Variants in CHN2 observed in about 807,000 individuals in gnomAD.
CHN2 encodes the protein chimerin 2, also known as beta-chimaerin.
Under a neutral mutation model 56.3 loss-of-function variants are expected in CHN2, and 35 were observed. That is an observed-to-expected ratio of 0.62 (90% CI 0.47 to 0.82). The LOEUF is 0.82. Ranked by LOEUF, CHN2 falls within the 40% of genes least tolerant of loss-of-function variation. The pLI is 0.00. For missense variants in CHN2, 491 were observed against 580.5 expected (o/e 0.85, Z 1.58); for synonymous variants, 210 against 212.8 (o/e 0.99, Z 0.12).
chr7:29,330,391 T>C (rs931556702), intron 1 of CHN2, among the ~76,000 whole-genome samples: 5 of 152,224 alleles, frequency 3.3e-5, no homozygotes, highest in Admixed American at 1.3e-4. Flanking sequence ...TTGGGAATTG[T>C]TACCACTCTG....
chr7:29,266,779 C>A (rs1790180679), intron 1 of CHN2, among the ~76,000 whole-genome samples: 1 of 152,180 alleles, frequency 6.6e-6, no homozygotes, highest in South Asian at 2.1e-4. Flanking sequence ...AGGTTCTGAG[C>A]ACTGCCTGCC....
intron 2 of CHN2, among the ~76,000 whole-genome samples, chr7:29,354,894 G>T (rs1167259734): frequency 6.6e-6 from 1 of 151,942 alleles, no homozygotes; most frequent in East Asian, 1.9e-4. Flanking sequence ...GCTTAGAAAA[G>T]AGGGGTGGAC....
chr7:29,512,576 T>A lies in CHN2; in HGVS notation c.1248T>A (p.Asn416Lys), dbSNP rs1791616172. Residue 416 changes from asparagine to lysine, a missense_variant, in exon 13 of 13, where the codon AAT (asparagine) becomes AAA (lysine). By Grantham distance (94) the Asn-to-Lys change is moderately conservative. Transcript: ENST00000222792. ...LMIHLKKVTM[N>K]EKDNFMNAEN... is the part of the protein sequence containing the mutation. ...GTTTGTTTTGCAGGGTTACTATGAA[T>A]GAAAAAGACAATTTCATGAATGCAG... 1 of 1,612,382 alleles carries A rather than the reference T, an allele frequency of 6.2e-7. No homozygotes were observed.
intron 4 of CHN2, among the ~76,000 whole-genome samples, chr7:29,393,995 A>T (rs1801548339): frequency 6.6e-6 from 1 of 152,194 alleles, no homozygotes; most frequent in Non-Finnish European, 1.5e-5. Flanking sequence ...AGCATTTTTC[A>T]TAATGGAGGC....
chr7:29,470,199 C>G (rs1263047732), intron 6 of CHN2, among the ~76,000 whole-genome samples: 1 of 152,174 alleles, frequency 6.6e-6, no homozygotes, highest in Non-Finnish European at 1.5e-5. Context: ...CAGTCCTACG[C>G]TTGGTAGAGC....
At chr7:29,157,604 A>G (rs781157521) in intron 2 of CHN2, among the ~76,000 whole-genome samples, 1 of 152,302 alleles carries the variant, frequency 6.6e-6, no homozygotes, top group Non-Finnish European at 1.5e-5. Context: ...TATGATTTGC[A>G]TTTTGCTAAT....
At chr7:29,171,176 T>C (rs534512864) in intron 2 of CHN2, among the ~76,000 whole-genome samples, 18 of 152,312 alleles carry the variant, frequency 1.2e-4, no homozygotes, top group African/African-American at 4.1e-4. Context: ...AGCCCTAACA[T>C]TGCTTACATA....
At chr7:29,506,823 G>A (rs558887843) in intron 10 of CHN2, among the ~76,000 whole-genome samples, 2 of 152,272 alleles carry the variant, frequency 1.3e-5, no homozygotes, top group African/African-American at 4.8e-5. Context: ...TTTTGTGAAC[G>A]TGACTTCCAA....
At chr7:29,438,820 A>C (rs1783428272) in intron 6 of CHN2, among the ~76,000 whole-genome samples, 2 of 152,242 alleles carry the variant, frequency 1.3e-5, no homozygotes, top group African/African-American at 4.8e-5. Flanking sequence ...TTGATTAAAC[A>C]ACCTTTGTTG....
intron 1 of CHN2, among the ~76,000 whole-genome samples, chr7:29,214,544 C>G (rs140769122): frequency 6.6e-6 from 1 of 152,154 alleles, no homozygotes; most frequent in Non-Finnish European, 1.5e-5. Flanking sequence ...TATCCTCAGT[C>G]AATACTGTAA....
intron 2 of CHN2, among the ~76,000 whole-genome samples, chr7:29,177,779 T>G (rs540824450): frequency 2.0e-4 from 31 of 152,226 alleles, no homozygotes; most frequent in African/African-American, 7.2e-4. Context: ...CTCATTATGC[T>G]CCCACCTATC....
chr7:29,271,289 A>G (rs894583482), intron 1 of CHN2, among the ~76,000 whole-genome samples: 1 of 152,212 alleles, frequency 6.6e-6, no homozygotes, highest in African/African-American at 2.4e-5. Flanking sequence ...GCATCTAGTG[A>G]AAACCCTCTG....
intron 1 of CHN2, among the ~76,000 whole-genome samples, chr7:29,270,109 C>T (rs1790498851): frequency 1.3e-5 from 2 of 152,290 alleles, no homozygotes; most frequent in South Asian, 4.1e-4. Flanking sequence ...ATAAATGCTT[C>T]CTGATAATAA....
chr7:29,326,347 G>A lies in CHN2; in HGVS notation c.50-28278G>A, dbSNP rs562626694. Among the ~76,000 whole-genome samples the A allele has an allele frequency of 6.6e-5, 10 of 152,196 alleles. 1 individual carries two copies. Among genetic ancestry groups the A allele is most frequent in the South Asian group, 2.1e-4 (1 of 4,800 alleles). The stretch of plus-strand genomic sequence containing the variant: ...TAATTTTTGTATTTTTAGTAGAGAC[G>A]GGATTTCACCATGTGGGCCAGGCTG... On this transcript the variant is annotated intron_variant, in intron 1 of 12. Transcript: ENST00000222792.
Position 29,512,698 on chromosome 7 carries a change from T to C in CHN2, c.1370T>C (p.Val457Ala), listed in dbSNP as rs1791634289. 6.2e-7 allele frequency: 1 copy of C among 1,614,224 alleles called. No individual in the cohort carries two copies. The change falls in exon 13 of 13, where the codon GTG becomes GCG. Residue 457 changes from valine to alanine, a missense_variant. Physicochemically the swap from Val to Ala is moderately conservative, Grantham distance 64. Transcript: ENST00000222792. ...GATATGCGGTACCAAAAGCTGATTGTGCAGATTTTAATAGAAAACGAAGAC... is the reference window on the plus strand; with the variant it reads ...GATATGCGGTACCAAAAGCTGATTGCGCAGATTTTAATAGAAAACGAAGAC... ...LHDMRYQKLI[V>A]QILIENEDVL...
chr7:29,422,490 C>G (rs1431726056), intron 6 of CHN2, among the ~76,000 whole-genome samples: 5 of 152,324 alleles, frequency 3.3e-5, no homozygotes, highest in Non-Finnish European at 7.3e-5. Context: ...TAGACGGCCT[C>G]TCTCCCTGGC....
rs140924961 is a variant in CHN2 at position 29,447,765 on chromosome 7, GAT to G, written c.577-32511_577-32510del. ...CAGGTATATAGATAACATGATATGT[GAT>G]ATGAGTGACAAGTGAAAACATTTCA... On this transcript the variant is annotated intron_variant, in intron 6 of 12. Coordinates refer to ENST00000222792, the MANE Select transcript of CHN2 (RefSeq NM_004067.4). Among the ~76,000 whole-genome samples, 122 of 152,256 alleles carry G rather than the reference GAT, an allele frequency of 8.0e-4. 1 individual carries two copies. The highest frequency in any genetic ancestry group is 2.8e-3 in the African/African-American group (118 of 41,540).
At chr7:29,360,177 C>G (rs973284165) in intron 2 of CHN2, among the ~76,000 whole-genome samples, 1 of 152,178 alleles carries the variant, frequency 6.6e-6, no homozygotes, top group East Asian at 1.9e-4. Flanking sequence ...TCATCTCCTC[C>G]TAGAGGTTTT....
intron 6 of CHN2, among the ~76,000 whole-genome samples, chr7:29,461,874 G>A (rs1785194144): frequency 6.6e-6 from 1 of 151,968 alleles, no homozygotes; most frequent in African/African-American, 2.4e-5. Flanking sequence ...ATGGATGGAA[G>A]GAAGAGAGAG....
Sources: gnomAD v4.1 joint callset for allele counts (sites outside exome capture counted in the v4.1 genomes callset) on GRCh38, gnomAD v4.1.1 for gene constraint, MANE v1.5 for transcripts, NCBI Gene and HGNC (gene_info 2026-07-23, HGNC 2026-07-21) for gene names.